Variants in ATP8B1 observed in about 807,000 individuals in gnomAD.
ATP8B1 encodes ATPase phospholipid transporting 8B1.
Under a neutral mutation model 149.9 loss-of-function variants are expected in ATP8B1, and 80 were observed. That is an observed-to-expected ratio of 0.53 (90% CI 0.45 to 0.64). The LOEUF (loss-of-function observed/expected upper bound fraction) is 0.64. Ranked by LOEUF, ATP8B1 falls within the 30% of genes least tolerant of loss-of-function variation. The probability of loss-of-function intolerance (pLI) is 0.00; values close to 1 mark genes in which losing one functional copy is unlikely to be tolerated. For missense variants in ATP8B1, 1,247 were observed against 1,552.6 expected, an observed-to-expected ratio of 0.80 and a Z score of 3.31; for synonymous variants, 536 against 562.8, an observed-to-expected ratio of 0.95 and a Z score of 0.67.
intron 1 of ATP8B1, chr18:57,738,179 T>C (rs1051793383): frequency 2.0e-5 from 3 of 152,294 alleles, no homozygotes; most frequent in Non-Finnish European, 2.9e-5. Flanking sequence ...ATAATGTCTC[T>C]GACCACCACT....
intron 1 of ATP8B1, among the ~76,000 whole-genome samples, chr18:57,792,503 C>A (rs2080473268): frequency 6.6e-6 from 1 of 152,016 alleles, no homozygotes; most frequent in Non-Finnish European, 1.5e-5. Context: ...CAAAAGACCA[C>A]ATATCATACG....
intron 16 of ATP8B1, among the ~76,000 whole-genome samples, chr18:57,673,453 A>T (rs1365554123): frequency 6.6e-6 from 1 of 152,132 alleles, no homozygotes; most frequent in East Asian, 1.9e-4. Flanking sequence ...AATACCTACT[A>T]TGGTATATAG....
chr18:57,700,958 G>T, intron 6 of ATP8B1, 81 bp downstream of exon 6: 1 of 1,380,952 alleles, frequency 7.2e-7, no homozygotes, highest in Non-Finnish European at 1.0e-6. Flanking sequence ...CTTCTACATT[G>T]TAATAATTAT....
At chr18:57,661,489 A>G (rs1910401877) in intron 21 of ATP8B1, 27 bp from the exon 22 acceptor site, 1 of 1,609,850 alleles carries the variant, frequency 6.2e-7, no homozygotes, top group African/African-American at 1.3e-5. Flanking sequence ...GGAAAAGGTT[A>G]CATTCACTTT....
chr18:57,684,367 C>CT (rs1014520345), intron 14 of ATP8B1, among the ~76,000 whole-genome samples, 175 bp from the exon 15 acceptor site: 115 of 146,192 alleles, frequency 7.9e-4, no homozygotes, highest in East Asian at 3.2e-3. Flanking sequence ...AGCTCCCCCC[C>CT]TTTTTTTTTT....
chr18:57,747,097 C>T (rs934646096), intron 1 of ATP8B1, among the ~76,000 whole-genome samples: 3 of 152,224 alleles, frequency 2.0e-5, no homozygotes, highest in Admixed American at 6.5e-5. Flanking sequence ...CATTACTTAG[C>T]ACTAAGGACA....
At chr18:57,716,382 TG>T (rs2079583038) in intron 2 of ATP8B1, among the ~76,000 whole-genome samples, 1 of 151,394 alleles carries the variant, frequency 6.6e-6, no homozygotes, top group Non-Finnish European at 1.5e-5. Flanking sequence ...TGGGCTAAAC[TG>T]TCAATCAAAA....
At chr18:57,794,792 A>AAAAGAAAGAAAGAAAGAAAG (rs113119274) in intron 1 of ATP8B1, among the ~76,000 whole-genome samples, 92 of 148,038 alleles carry the variant, frequency 6.2e-4, no homozygotes, top group Middle Eastern at 3.4e-3. Flanking sequence ...CTCCGCCTCA[A>AAAAGAAAGAAAGAAAGAAAG]AAAGAAAGAA....
rs1264949625 is a variant in ATP8B1, at chr18:57,669,385, C to T, written c.2030G>A (p.Ser677Asn). 3.7e-6 allele frequency: 6 copies of T among 1,613,886 alleles called. No individual in the cohort carries two copies. The highest frequency in any genetic ancestry group is 3.4e-6 in the Non-Finnish European group (4 of 1,179,960). Residue 677 changes from serine (S) to asparagine (N), a missense_variant, in exon 18 of 28, where the codon AGT (serine) becomes AAT (asparagine). Transcript: ENST00000648908. ...TTCGTCCCGGTTGGTGGAGGCCACA[C>T]TGGCAGCCATAAACTTTTTATTCCA... is the stretch of plus-strand genomic sequence containing the variant. ...TEWNKKFMAASVASTNRDEAL... is the reference protein window; with the variant it reads ...TEWNKKFMAANVASTNRDEAL...
rs200484292 is a variant in ATP8B1 at position 57,691,877 on chromosome 18, G to A, written c.1150C>T (p.Arg384Cys). The part of the protein sequence containing the change: ...YDGEDDTPSY[R>C]GFLIFWGYII... ...TAGCCCCAGAAAATGAGGAATCCAC[G>A]GTAGGAGGGTGTATCGTCTTCTCCA... The change falls in exon 12 of 28, where the codon CGT (arginine) becomes TGT (cysteine). Residue 384 changes from arginine (R) to cysteine (C), a missense_variant. By Grantham distance (180) the Arg-to-Cys change is radical. This residue lies in a region of ATP8B1 where 853 missense variants were observed against 1,035.7 expected (regional missense o/e 0.82). Transcript: ENST00000648908. The A allele has an allele frequency of 2.2e-5, 35 of 1,614,140 alleles. No homozygotes were observed. The highest frequency in any genetic ancestry group is 2.6e-5 in the Non-Finnish European group (31 of 1,179,996).
At chr18:57,747,878 C>T (rs187738682) in intron 1 of ATP8B1, among the ~76,000 whole-genome samples, 5 of 152,300 alleles carry the variant, frequency 3.3e-5, no homozygotes, top group Admixed American at 3.3e-4. Context: ...TCCAAGGCAG[C>T]AGAGTTCATA....
chr18:57,683,186 G>A (rs1912067662), intron 15 of ATP8B1, among the ~76,000 whole-genome samples: 1 of 152,114 alleles, frequency 6.6e-6, no homozygotes, highest in Admixed American at 6.6e-5. Context: ...TGCTACATAT[G>A]AAACATTAAG....
At chr18:57,716,534 C>A (rs2079585329) in intron 2 of ATP8B1, among the ~76,000 whole-genome samples, 1 of 151,914 alleles carries the variant, frequency 6.6e-6, no homozygotes, top group Non-Finnish European at 1.5e-5. Flanking sequence ...AACAGGATAC[C>A]TATATTTATA....
intron 2 of ATP8B1, among the ~76,000 whole-genome samples, chr18:57,711,551 C>T (rs936610827): frequency 9.9e-5 from 15 of 152,178 alleles, no homozygotes; most frequent in African/African-American, 3.4e-4. Context: ...ACGTGTATCT[C>T]TCTGGAAGGA....
chr18:57,685,985 C>T (rs1012778105), intron 13 of ATP8B1, among the ~76,000 whole-genome samples: 3 of 151,488 alleles, frequency 2.0e-5, no homozygotes, highest in Non-Finnish European at 4.4e-5. Context: ...TGGTGGCTCA[C>T]GCCTGTAACC....
chr18:57,649,714 G>A (rs1909476326), intron 27 of ATP8B1, among the ~76,000 whole-genome samples: 1 of 152,180 alleles, frequency 6.6e-6, no homozygotes, highest in Non-Finnish European at 1.5e-5. Context: ...TGAGGGCACT[G>A]TACTGGGGCC....
chr18:57,758,895 C>T (rs1387397990), intron 1 of ATP8B1, among the ~76,000 whole-genome samples: 5 of 152,000 alleles, frequency 3.3e-5, no homozygotes, highest in African/African-American at 1.2e-4. Context: ...TGGTAGCTCA[C>T]GCCTGTAATC....
At position 57,671,475 on chromosome 18, in the gene ATP8B1, G is replaced by T; in HGVS notation, c.1925C>A (p.Ala642Asp). Residue 642 changes from alanine to aspartate, a missense_variant, in exon 17 of 28, where the codon GCC (alanine) becomes GAC (aspartate). Physicochemically the swap from Ala to Asp is moderately radical, Grantham distance 126. Around this residue, in one of 3 missense-constraint regions of ATP8B1, gnomAD observed 853 missense variants for 1,035.7 expected, o/e 0.82. Coordinates refer to ENST00000648908, the MANE Select transcript of ATP8B1 (RefSeq NM_001374385.1). ...AATAAAAGTGAAACTTACATCCAGG[G>T]CATCCTGTGTTTCTTGCTTAGTAGG... ...MNPTKQETQD[A>D]LDIFANETLR... 6.2e-7 allele frequency: 1 copy of T among 1,609,090 alleles called. No homozygotes were observed. Among genetic ancestry groups the T allele is most frequent in the Non-Finnish European group, 8.5e-7 (1 of 1,175,462 alleles).
intron 1 of ATP8B1, among the ~76,000 whole-genome samples, chr18:57,756,823 C>G (rs116835495): frequency 1.3e-5 from 2 of 152,142 alleles, no homozygotes; most frequent in Non-Finnish European, 2.9e-5. Flanking sequence ...TGCCCCTTGT[C>G]GGTGATTGCA....
Sources: gnomAD v4.1 joint callset for allele counts (sites outside exome capture counted in the v4.1 genomes callset) on GRCh38, gnomAD v4.1.1 for gene constraint, gnomAD v4.1.1 regional missense constraint, MANE v1.5 for transcripts, NCBI Gene and HGNC (gene_info 2026-07-23, HGNC 2026-07-21) for gene names.